NAA16: variants seen among roughly 807,000 people sequenced by gnomAD.
The protein encoded by NAA16 is N-alpha-acetyltransferase 16, NatA auxiliary subunit.
A neutral mutation model predicts 110.3 loss-of-function variants in NAA16; 97 were observed. The ratio of observed to expected loss-of-function variants is 0.88; its 90% CI spans 0.75 to 1.04. The LOEUF (loss-of-function observed/expected upper bound fraction) is 1.04. Ranked by LOEUF, NAA16 falls within the 50% of genes least tolerant of loss-of-function variation. The probability of loss-of-function intolerance (pLI) is 0.00; values close to 1 mark genes in which losing one functional copy is unlikely to be tolerated. For missense variants in NAA16, 1,017 were observed against 1,005.1 expected, an observed-to-expected ratio of 1.01 and a Z score of -0.16; for synonymous variants, 372 against 330.6, an observed-to-expected ratio of 1.13 and a Z score of -1.36.
At chr13:41,335,330 T>A (rs1238715119) in intron 8 of NAA16, among the ~76,000 whole-genome samples, 1 of 152,202 alleles carries the variant, frequency 6.6e-6, no homozygotes, top group Non-Finnish European at 1.5e-5. Flanking sequence ...GTGATGGTAT[T>A]GCCTTCATTT....
intron 6 of NAA16, among the ~76,000 whole-genome samples, chr13:41,326,066 G>A (rs1312789921): frequency 6.6e-6 from 1 of 152,044 alleles, no homozygotes; most frequent in African/African-American, 2.4e-5. Context: ...AGATTGAGTA[G>A]CCCCAAATCA....
rs1566291108 is a variant in NAA16, at chr13:41,358,859, CTT to C, written c.1309_1310del (p.Leu437GlyfsTer4). The C allele has an allele frequency of 6.2e-7, 1 of 1,612,236 alleles. No individual in the cohort carries two copies. Among genetic ancestry groups the C allele is most frequent in the South Asian group, 1.1e-5 (1 of 90,870 alleles). On this transcript the variant is annotated frameshift_variant, in exon 12 of 20. Coordinates refer to ENST00000379406, the MANE Select transcript of NAA16 (RefSeq NM_024561.5). LOFTEE classifies it high-confidence loss of function. ...GCAAAGTGGATGGATGAAGCACAGT[CTT>C]TGGACACAGCTGATAGATTCATCAA... is the stretch of plus-strand genomic sequence containing the variant.
chr13:41,372,863 T>G, intron 17 of NAA16, 33 bp downstream of exon 17: 1 of 1,478,142 alleles, frequency 6.8e-7, no homozygotes, highest in Non-Finnish European at 9.1e-7. Flanking sequence ...TTTACATTTG[T>G]GAATTATTTC....
chr13:41,338,282 CTCTTAAGCTA>C (rs1783862928), intron 9 of NAA16, among the ~76,000 whole-genome samples: 1 of 152,170 alleles, frequency 6.6e-6, no homozygotes, highest in Admixed American at 6.5e-5. Context: ...GGATTTGTTT[CTCTTAAGCTA>C]TCACGGGGCT....
intron 2 of NAA16, among the ~76,000 whole-genome samples, chr13:41,318,028 A>G (rs1472153699): frequency 6.6e-6 from 1 of 152,200 alleles, no homozygotes; most frequent in African/African-American, 2.4e-5. Flanking sequence ...AGTCTGTTCC[A>G]ATATTGAATA....
intron 9 of NAA16, among the ~76,000 whole-genome samples, chr13:41,339,883 A>G (rs1566267758): frequency 6.6e-6 from 1 of 152,162 alleles, no homozygotes; most frequent in African/African-American, 2.4e-5. Flanking sequence ...TTTTAAAAAC[A>G]TAGGTAGGTA....
chr13:41,317,596 G>A (rs1471735663), intron 2 of NAA16, among the ~76,000 whole-genome samples: 3 of 152,152 alleles, frequency 2.0e-5, no homozygotes. Flanking sequence ...TGGGAAAATA[G>A]GCTGACCTTG....
intron 4 of NAA16, 138 bp downstream of exon 4, chr13:41,320,962 T>C: frequency 1.4e-6 from 1 of 704,734 alleles, no homozygotes; most frequent in Non-Finnish European, 2.2e-6. Flanking sequence ...GCTTGGGACC[T>C]TCCTTCTCAG....
chr13:41,368,352 G>A (rs979815141), intron 14 of NAA16, among the ~76,000 whole-genome samples: 6 of 152,102 alleles, frequency 3.9e-5, no homozygotes, highest in Non-Finnish European at 7.4e-5. Flanking sequence ...AGAGATCACA[G>A]GTGTTTATAT....
intron 12 of NAA16, among the ~76,000 whole-genome samples, chr13:41,359,698 G>A (rs1188891866): frequency 2.6e-5 from 4 of 152,090 alleles, no homozygotes; most frequent in Non-Finnish European, 5.9e-5. Flanking sequence ...GTGGATTAAA[G>A]ATCAGATATG....
chr13:41,313,233 C>A (rs74049024), intron 1 of NAA16, among the ~76,000 whole-genome samples: 11,279 of 152,102 alleles, frequency 0.074, 1,394 homozygotes, highest in African/African-American at 0.26. Flanking sequence ...AAAAAAAAAT[C>A]AATTATTTTG....
intron 6 of NAA16, 77 bp from the exon 7 acceptor site, chr13:41,328,647 A>G (rs115325431): frequency 1.6e-6 from 2 of 1,229,998 alleles, no homozygotes; most frequent in South Asian, 1.3e-5. Flanking sequence ...CTGTTCACTG[A>G]TAATGTTTAG....
In NAA16 at chr13:41,367,505, C is replaced by T. The variant is rs760669485; in HGVS notation, c.1606C>T (p.Arg536Cys). The T allele has an allele frequency of 1.6e-5, 26 of 1,613,072 alleles. No individual in the cohort carries two copies. Among genetic ancestry groups the T allele is most frequent in the Admixed American group, 6.7e-5 (4 of 59,906 alleles). The change falls in exon 14 of 20, where the codon CGT (arginine) becomes TGT (cysteine). Residue 536 changes from arginine to cysteine, a missense_variant. Coordinates refer to ENST00000379406, the MANE Select transcript of NAA16 (RefSeq NM_024561.5). ...HTYCMRKMTL[R>C]AYVDLLRLED... ...ATACTGCATGAGAAAGATGACCCTTCGTGCCTATGTTGACCTTTTGAGATT... is the reference window on the plus strand; with the variant it reads ...ATACTGCATGAGAAAGATGACCCTTTGTGCCTATGTTGACCTTTTGAGATT...
intron 18 of NAA16, chr13:41,374,420 T>G: frequency 5.4e-6 from 1 of 184,184 alleles, no homozygotes. Context: ...ACATTCTCAA[T>G]TTTATTTCTA....
intron 13 of NAA16, among the ~76,000 whole-genome samples, chr13:41,364,069 G>T (rs1219091731): frequency 1.3e-5 from 2 of 151,932 alleles, no homozygotes; most frequent in Non-Finnish European, 2.9e-5. Flanking sequence ...ATCATTGGAA[G>T]GATTTAGGAG....
Position 41,357,433 on chromosome 13 carries a change from A to G in NAA16, c.1088-871A>G, listed in dbSNP as rs187377755. Among the ~76,000 whole-genome samples, 3 of 152,352 alleles carry G rather than the reference A, an allele frequency of 2.0e-5. No individual in the cohort carries two copies. In the East Asian group the frequency reaches 5.8e-4, roughly 29 times the overall value. On this transcript the variant is annotated intron_variant, in intron 10 of 19. Coordinates refer to ENST00000379406, the MANE Select transcript of NAA16 (RefSeq NM_024561.5). ...TATAAAGAACTTTCCTTCATCAAAT[A>G]CTTGGTTCCCTTGAAATATAGTTTA...
At chr13:41,352,779 T>A (rs1009231001) in intron 9 of NAA16, among the ~76,000 whole-genome samples, 1 of 152,150 alleles carries the variant, frequency 6.6e-6, no homozygotes. Flanking sequence ...TCCATTACCT[T>A]TTTTCCCCCG....
chr13:41,373,579 T>G lies in NAA16; in HGVS notation c.2156-58T>G, dbSNP rs1053503916. 25 of 1,498,418 alleles carry G rather than the reference T, an allele frequency of 1.7e-5. No homozygotes were observed. The African/African-American group carries it at 2.7e-4, about 16-fold the overall frequency. The allele number at this position is 1,498,418 out of a possible 1,614,324, so 92.8% of individuals were successfully genotyped here. ...AGCCATAAAGGGTTTTCAGTAGGTT[T>G]TTTTTTTTTCAAAGGACAGATCAAA... On this transcript the variant is annotated intron_variant, in intron 17 of 19. Transcript: ENST00000379406.
chr13:41,349,023 CT>C (rs1180654253), intron 9 of NAA16, among the ~76,000 whole-genome samples: 4 of 152,024 alleles, frequency 2.6e-5, no homozygotes, highest in Non-Finnish European at 4.4e-5. Context: ...CTATTTTTTA[CT>C]TTGTCAGTCT....
Sources: allele counts gnomAD v4.1 joint callset (sites outside exome capture counted in the v4.1 genomes callset), GRCh38; gene constraint gnomAD v4.1.1; transcripts MANE v1.5; gene names NCBI Gene and HGNC (gene_info 2026-07-23, HGNC 2026-07-21).